The following ZYG11B variants were observed in gnomAD, a reference collection of about 807,000 sequenced individuals.
The protein encoded by ZYG11B is protein zyg-11 homolog B.
A neutral mutation model predicts 82.4 loss-of-function variants in ZYG11B; 36 were observed. The ratio of observed to expected loss-of-function variants is 0.44; its 90% confidence interval spans 0.33 to 0.58. The LOEUF (loss-of-function observed/expected upper bound fraction) is 0.58. ZYG11B is among the 20% of genes least tolerant of loss of function. The pLI, the probability that ZYG11B is intolerant of heterozygous loss-of-function variation, is 0.02. For synonymous variants in ZYG11B, 303 were observed against 312.8 expected (o/e 0.97, Z 0.33); for missense variants, 552 against 895.6 (o/e 0.62, Z 4.90).
intron 2 of ZYG11B, among the ~76,000 whole-genome samples, chr1:52,769,433 A>T (rs1428490784): frequency 1.3e-5 from 2 of 152,228 alleles, no homozygotes; most frequent in African/African-American, 4.8e-5. Context: ...GATACTTTAC[A>T]TTATTTTGTT....
At chr1:52,740,978 C>T (rs1644424698) in intron 1 of ZYG11B, among the ~76,000 whole-genome samples, 1 of 151,816 alleles carries the variant, frequency 6.6e-6, no homozygotes, top group South Asian at 2.1e-4. Context: ...TTCTGGAAGC[C>T]TGACTTGGTT....
At chr1:52,821,134 C>T (rs986906721) in intron 13 of ZYG11B, among the ~76,000 whole-genome samples, 3 of 151,140 alleles carry the variant, frequency 2.0e-5, no homozygotes. Flanking sequence ...TATAACAACA[C>T]TTACCTGTGA....
rs895150893 is a variant in ZYG11B, at chr1:52,822,512, T to C, written c.*883T>C. ...CGCCAGTTAAAACTGGCTATTCTTTTCCTCTATTTCAAAGTCATTTTTGTT... is the reference window on the plus strand; with the variant it reads ...CGCCAGTTAAAACTGGCTATTCTTTCCCTCTATTTCAAAGTCATTTTTGTT... On this transcript the variant is annotated 3_prime_UTR_variant, in exon 14 of 14. Transcript: ENST00000294353. 1 of 152,234 alleles carries C rather than the reference T, an allele frequency of 6.6e-6. No individual in the cohort carries two copies. The highest frequency in any genetic ancestry group is 2.4e-5 in the African/African-American group (1 of 41,466). 9.4% of individuals were successfully genotyped at this position (152,234 alleles called of 1,614,324 possible). A position where few individuals can be genotyped will look rare whatever the true frequency, so the allele number is the denominator to read the frequency against.
chr1:52,749,089 G>C (rs1026736621), intron 1 of ZYG11B, among the ~76,000 whole-genome samples: 1 of 151,904 alleles, frequency 6.6e-6, no homozygotes, highest in Non-Finnish European at 1.5e-5. Context: ...TGTAATCCCA[G>C]GTACTTGGGA....
intron 1 of ZYG11B, among the ~76,000 whole-genome samples, chr1:52,736,197 A>G (rs1003584845): frequency 6.6e-6 from 1 of 152,196 alleles, no homozygotes; most frequent in African/African-American, 2.4e-5. Flanking sequence ...CAGTGAATCT[A>G]CAGAGATCTG....
rs908730670 is a variant in ZYG11B, at chr1:52,750,173, C to T, written c.31-6285C>T. Among the ~76,000 whole-genome samples the T allele has an allele frequency of 2.0e-5, 3 of 152,146 alleles. No individual in the cohort carries two copies. In the South Asian group the frequency reaches 6.2e-4, roughly 32 times the overall value. On this transcript the variant is annotated intron_variant, in intron 1 of 13. Transcript: ENST00000294353. ...AGAGCAGTGGCACAATGTTGGCTCA[C>T]TGCAACCTCCGCCTCCGGGGTTCAG...
At chr1:52,756,255 T>G (rs1346156454) in intron 1 of ZYG11B, among the ~76,000 whole-genome samples, 1 of 152,206 alleles carries the variant, frequency 6.6e-6, no homozygotes, top group Non-Finnish European at 1.5e-5. Context: ...TGTATGTAAA[T>G]GTTTGTTTCA....
Position 52,745,313 on chromosome 1 carries a change from A to C in ZYG11B, c.31-11145A>C, listed in dbSNP as rs1465207687. 5.9e-5 allele frequency among the ~76,000 whole-genome samples: 9 copies of C among 152,308 alleles called. No individual in the cohort carries two copies. The East Asian group carries it at 1.7e-3, about 29-fold the overall frequency. On this transcript the variant is annotated intron_variant, in intron 1 of 13. Transcript: ENST00000294353. ...AGTGGGGGTTGTGGGAAGGAAGGGT[A>C]GAGATTAAAAGAAAGCTATGAGAAG... is the stretch of plus-strand genomic sequence containing the variant.
rs1322168735 is a variant in ZYG11B at position 52,824,588 on chromosome 1, A to C, written c.*2959A>C. 4 of 151,930 alleles carry C rather than the reference A, an allele frequency of 2.6e-5. No homozygotes were observed. Among genetic ancestry groups the C allele is most frequent in the African/African-American group, 9.7e-5 (4 of 41,348 alleles). 9.4% of individuals were successfully genotyped at this position (151,930 alleles called of 1,614,324 possible). On this transcript the variant is annotated 3_prime_UTR_variant, in exon 14 of 14. Coordinates refer to ENST00000294353, the MANE Select transcript of ZYG11B (RefSeq NM_024646.3). The stretch of plus-strand genomic sequence containing the variant: ...TGGGAGGTGGAGGTTGTGGTGAGCC[A>C]ATATCATGCCACTGCACTCCAGCCT...
chr1:52,741,554 A>G (rs1644431929), intron 1 of ZYG11B, among the ~76,000 whole-genome samples: 1 of 152,174 alleles, frequency 6.6e-6, no homozygotes, highest in Non-Finnish European at 1.5e-5. Flanking sequence ...TATTTTAGTT[A>G]TGCTTAACAA....
chr1:52,772,463 T>G, intron 3 of ZYG11B: 1 of 1,582,100 alleles, frequency 6.3e-7, no homozygotes, highest in Non-Finnish European at 8.7e-7. Context: ...CAAAACGTAC[T>G]TGTGCAACAC....
intron 10 of ZYG11B, among the ~76,000 whole-genome samples, chr1:52,811,708 G>A (rs1285910700): frequency 6.6e-6 from 1 of 151,610 alleles, no homozygotes; most frequent in Non-Finnish European, 1.5e-5. Flanking sequence ...CAGATACTTA[G>A]TTTTGTTTTT....
At chr1:52,732,310 A>G (rs1315140644) in intron 1 of ZYG11B, among the ~76,000 whole-genome samples, 2 of 152,228 alleles carry the variant, frequency 1.3e-5, no homozygotes, top group African/African-American at 4.8e-5. Context: ...GCACAAGTGG[A>G]GAAATGTCCT....
intron 3 of ZYG11B, among the ~76,000 whole-genome samples, chr1:52,773,374 T>C (rs1355638268): frequency 1.3e-5 from 2 of 150,170 alleles, no homozygotes; most frequent in East Asian, 4.0e-4. Context: ...CTCAGGAGGC[T>C]GAGGCAGGAG....
In ZYG11B at chr1:52,822,605, T is replaced by C. The variant is rs56392930; in HGVS notation, c.*976T>C. 2.0e-5 allele frequency: 3 copies of C among 152,248 alleles called. No homozygotes were observed. The highest frequency in any genetic ancestry group is 6.5e-5 in the Admixed American group (1 of 15,278). The allele number at this position is 152,248 out of a possible 1,614,324, so 9.4% of individuals were successfully genotyped here. ...AAATACAATTGACACCAGTAAATTT[T>C]GCCATAAAAAGTTAAAATCTCTTGT... On this transcript the variant is annotated 3_prime_UTR_variant, in exon 14 of 14. Coordinates refer to ENST00000294353, the MANE Select transcript of ZYG11B (RefSeq NM_024646.3).
At chr1:52,807,682 G>A (rs1645152463) in intron 10 of ZYG11B, among the ~76,000 whole-genome samples, 1 of 151,690 alleles carries the variant, frequency 6.6e-6, no homozygotes, top group African/African-American at 2.4e-5. Flanking sequence ...GTAGAGATGG[G>A]TTTTCGCCAT....
chr1:52,738,182 T>C (rs1644393269), intron 1 of ZYG11B, among the ~76,000 whole-genome samples: 1 of 152,198 alleles, frequency 6.6e-6, no homozygotes, highest in Non-Finnish European at 1.5e-5. Flanking sequence ...GGGTGGTTAA[T>C]TCTTTTAAAA....
chr1:52,731,873 G>A (rs1489401890), intron 1 of ZYG11B, among the ~76,000 whole-genome samples: 1 of 152,142 alleles, frequency 6.6e-6, no homozygotes. Context: ...TGCAACCACG[G>A]CTTGCTGCAG....
chr1:52,772,400 A>G (rs1240008035), intron 3 of ZYG11B: 1 of 1,555,376 alleles, frequency 6.4e-7, no homozygotes, highest in Non-Finnish European at 8.9e-7. Context: ...CTTCAGGAAG[A>G]TCAGGAGCAA....
Sources: allele counts gnomAD v4.1 joint callset (sites outside exome capture counted in the v4.1 genomes callset), GRCh38; gene constraint gnomAD v4.1.1; transcripts MANE v1.5; gene names NCBI Gene and HGNC (gene_info 2026-07-23, HGNC 2026-07-21).